HSD17B12: variants seen among roughly 807,000 people sequenced by gnomAD.
HSD17B12 encodes the protein very-long-chain 3-oxoacyl-CoA reductase.
A neutral mutation model predicts 39.3 loss-of-function variants in HSD17B12; 32 were observed. The ratio of observed to expected loss-of-function variants is 0.81; its 90% CI spans 0.61 to 1.09. The LOEUF is 1.09. Ranked by LOEUF, HSD17B12 falls within the 50% of genes least tolerant of loss-of-function variation. The pLI is 0.00. For missense variants in HSD17B12, 342 were observed against 382.9 expected (o/e 0.89, Z 0.89); for synonymous variants, 150 against 146.7 (o/e 1.02, Z -0.16).
At chr11:43,574,072 G>C in the HSD17B12 span, among the ~76,000 whole-genome samples, 2 of 152,216 alleles carry the variant, frequency 1.3e-5, no homozygotes, top group African/African-American at 4.8e-5. Flanking sequence ...AACAGCTGCT[G>C]ATGGGCTGCC....
intron 1 of HSD17B12, chr11:43,733,675 T>C (rs776982957): frequency 1.9e-5 from 9 of 467,296 alleles, no homozygotes; most frequent in Non-Finnish European, 3.6e-5. Flanking sequence ...TAATCTTTAG[T>C]AACTTTTAAA....
At chr11:43,758,865 G>C (rs898531591) in intron 3 of HSD17B12, among the ~76,000 whole-genome samples, 10 of 152,158 alleles carry the variant, frequency 6.6e-5, no homozygotes, top group African/African-American at 2.4e-4. Flanking sequence ...TTGCATAATG[G>C]ATTGCTAGTA....
chr11:43,597,320 G>A, the HSD17B12 span, among the ~76,000 whole-genome samples: 1 of 152,184 alleles, frequency 6.6e-6, no homozygotes, highest in Non-Finnish European at 1.5e-5. Context: ...AGTGGTGGGT[G>A]CATGGTATAT....
At chr11:43,708,607 A>T (rs1052322737) in intron 1 of HSD17B12, among the ~76,000 whole-genome samples, 2 of 152,214 alleles carry the variant, frequency 1.3e-5, no homozygotes, top group African/African-American at 4.8e-5. Context: ...TCTCATGGAG[A>T]TGTCTTACTG....
chr11:43,651,659 C>T, the HSD17B12 span, among the ~76,000 whole-genome samples: 1 of 152,214 alleles, frequency 6.6e-6, no homozygotes, highest in Non-Finnish European at 1.5e-5. Context: ...CGGCTCCCTG[C>T]AACCTCTGCC....
At chr11:43,611,178 C>T in the HSD17B12 span, among the ~76,000 whole-genome samples, 1 of 151,994 alleles carries the variant, frequency 6.6e-6, no homozygotes, top group Non-Finnish European at 1.5e-5. Context: ...GGTGGATGAT[C>T]GCAGAATGTA....
rs181737786 is a variant in HSD17B12, at chr11:43,716,470, G to A, written c.161-34441G>A. Among the ~76,000 whole-genome samples, 633 of 152,084 alleles carry A rather than the reference G, an allele frequency of 4.2e-3. 4 individuals carry two copies. Among genetic ancestry groups the A allele is most frequent in the Non-Finnish European group, 6.7e-3 (457 of 67,980 alleles). On this transcript the variant is annotated intron_variant, in intron 1 of 10. Transcript: ENST00000278353. ...ACTTTATAATTTGCCAGGCAGTTGC[G>A]ATTTCATCTTCTCCTTGGAATATTA...
intron 1 of HSD17B12, among the ~76,000 whole-genome samples, chr11:43,728,493 AAAAATT>A (rs1247282026): frequency 6.6e-6 from 1 of 152,134 alleles, no homozygotes; most frequent in Non-Finnish European, 1.5e-5. Context: ...AAAAGAAAAG[AAAAATT>A]ATTTATATTC....
At chr11:43,768,176 A>G (rs2134979693) in intron 3 of HSD17B12, among the ~76,000 whole-genome samples, 1 of 152,346 alleles carries the variant, frequency 6.6e-6, no homozygotes, top group East Asian at 1.9e-4. Flanking sequence ...GTAACTGAAT[A>G]ACTTTTGGAA....
intron 9 of HSD17B12, among the ~76,000 whole-genome samples, chr11:43,850,859 C>T (rs12798997): frequency 5.9e-5 from 9 of 152,236 alleles, no homozygotes; most frequent in East Asian, 5.8e-4. Flanking sequence ...GTCGGGAGTT[C>T]GAGACCAGCC....
intron 3 of HSD17B12, among the ~76,000 whole-genome samples, chr11:43,785,190 A>G (rs1950804518): frequency 6.6e-6 from 1 of 152,044 alleles, no homozygotes; most frequent in African/African-American, 2.4e-5. Context: ...TGGGCCAGAC[A>G]GGTTCGGGTT....
At chr11:43,815,572 T>C (rs1158656641) in intron 5 of HSD17B12, 71 bp downstream of exon 5, 2 of 933,980 alleles carry the variant, frequency 2.1e-6, no homozygotes, top group Non-Finnish European at 3.3e-6. Context: ...ATTCACACTA[T>C]GACACTGGAG....
the HSD17B12 span, among the ~76,000 whole-genome samples, chr11:43,665,710 TGAAAAA>T: frequency 6.6e-6 from 1 of 152,154 alleles, no homozygotes; most frequent in Non-Finnish European, 1.5e-5. Context: ...GGGCTCATTC[TGAAAAA>T]GAAAAAGAAG....
upstream of HSD17B12, chr11:43,680,577 A>T (rs1417369730): frequency 1.2e-5 from 6 of 497,402 alleles, no homozygotes; most frequent in East Asian, 2.3e-4. Flanking sequence ...ACCCCGGGGG[A>T]CGCGGTGATG....
chr11:43,574,864 T>C, the HSD17B12 span, among the ~76,000 whole-genome samples: 2 of 152,236 alleles, frequency 1.3e-5, no homozygotes, highest in South Asian at 2.1e-4. Context: ...GCAGTCTTTG[T>C]TGAATTTTCT....
chr11:43,722,501 C>T (rs960439291), intron 1 of HSD17B12, among the ~76,000 whole-genome samples: 1 of 152,120 alleles, frequency 6.6e-6, no homozygotes, highest in Non-Finnish European at 1.5e-5. Flanking sequence ...TGCTTTAGGC[C>T]AGGGATTCGA....
chr11:43,737,792 G>A (rs920722508), intron 1 of HSD17B12, among the ~76,000 whole-genome samples: 3 of 152,144 alleles, frequency 2.0e-5, no homozygotes, highest in Admixed American at 6.5e-5. Flanking sequence ...TGAACTGTCC[G>A]GCCAGGCGCA....
At chr11:43,834,574 A>G (rs78240178) in intron 7 of HSD17B12, among the ~76,000 whole-genome samples, 1 of 152,188 alleles carries the variant, frequency 6.6e-6, no homozygotes, top group Non-Finnish European at 1.5e-5. Flanking sequence ...CCTCTATGAC[A>G]GTAGAATTTT....
chr11:43,843,085 T>G (rs1353540190), intron 9 of HSD17B12, among the ~76,000 whole-genome samples: 1 of 152,216 alleles, frequency 6.6e-6, no homozygotes, highest in Non-Finnish European at 1.5e-5. Context: ...AAACTGTCAT[T>G]TCATCTGTCA....
Sources: gnomAD v4.1 joint callset for allele counts (sites outside exome capture counted in the v4.1 genomes callset) on GRCh38, gnomAD v4.1.1 for gene constraint, MANE v1.5 for transcripts, NCBI Gene and HGNC (gene_info 2026-07-23, HGNC 2026-07-21) for gene names.